Variants in SDCCAG8 observed in about 807,000 individuals in gnomAD.
The protein encoded by SDCCAG8 is serologically defined colon cancer antigen 8.
A neutral mutation model predicts 101.8 loss-of-function variants in SDCCAG8; 74 were observed. That is an observed-to-expected ratio of 0.73 (90% CI 0.60 to 0.88). SDCCAG8 has a LOEUF of 0.88. Among genes scored for constraint, SDCCAG8 ranks in the 40% least tolerant of loss-of-function variants. The probability of loss-of-function intolerance (pLI) is 0.00; values close to 1 mark genes in which losing one functional copy is unlikely to be tolerated. For synonymous variants in SDCCAG8, 281 were observed against 292.9 expected (o/e 0.96, Z 0.41); for missense variants, 787 against 822.6 (o/e 0.96, Z 0.53).
intron 1 of SDCCAG8, among the ~76,000 whole-genome samples, chr1:243,257,016 G>C (rs1473129424): frequency 6.6e-6 from 1 of 152,170 alleles, no homozygotes; most frequent in Non-Finnish European, 1.5e-5. Flanking sequence ...AGATGGCGCT[G>C]TCAACTTGGA....
At chr1:243,433,356 G>GA (rs914707825) in intron 16 of SDCCAG8, among the ~76,000 whole-genome samples, 5,780 of 64,962 alleles carry the variant, frequency 0.089, 159 homozygotes, top group South Asian at 0.22. Flanking sequence ...CGTCTCAAAA[G>GA]AAAAAAAAAA....
intron 17 of SDCCAG8, among the ~76,000 whole-genome samples, chr1:243,497,517 T>G (rs1002120815): frequency 6.6e-5 from 10 of 152,088 alleles, no homozygotes; most frequent in Non-Finnish European, 1.5e-4. Flanking sequence ...CGTACATCTG[T>G]GTCACCCCCA....
chr1:243,345,209 T>C (rs902240056), intron 12 of SDCCAG8, among the ~76,000 whole-genome samples: 6 of 152,182 alleles, frequency 3.9e-5, no homozygotes, highest in Non-Finnish European at 8.8e-5. Context: ...TTTTCTCTTT[T>C]GAGCCAATGA....
At chr1:243,403,931 G>A (rs2079577204) in intron 13 of SDCCAG8, among the ~76,000 whole-genome samples, 1 of 152,150 alleles carries the variant, frequency 6.6e-6, no homozygotes, top group Non-Finnish European at 1.5e-5. Flanking sequence ...CCTGGTCCGT[G>A]GAAAAATTGT....
At chr1:243,368,082 G>T (rs1341138119) in intron 12 of SDCCAG8, among the ~76,000 whole-genome samples, 1 of 151,912 alleles carries the variant, frequency 6.6e-6, no homozygotes, top group African/African-American at 2.4e-5. Flanking sequence ...CTGGCATGGT[G>T]ACACAGACGT....
In SDCCAG8 at chr1:243,426,553, G is replaced by A. The variant is rs1404435698; in HGVS notation, c.1980G>A (p.Lys660=). The A allele has an allele frequency of 1.2e-6, 2 of 1,613,944 alleles. No homozygotes were observed. The highest frequency in any genetic ancestry group is 3.3e-5 in the Admixed American group (2 of 60,026). Residue 660 remains lysine (K), a synonymous_variant, in exon 16 of 18, where the codon AAG becomes AAA. Coordinates refer to ENST00000366541, the MANE Select transcript of SDCCAG8 (RefSeq NM_006642.5). ...ATGGGAGAGTACATGAGACGATGAA[G>A]CAAAGGTAATCAAGGTTTCATGTCA... ...VQHGRVHETM[K]QRLRQLDKHS...
intron 15 of SDCCAG8, 50 bp downstream of exon 15, chr1:243,418,126 C>T (rs370515624): frequency 2.9e-5 from 37 of 1,269,154 alleles, no homozygotes; most frequent in Non-Finnish European, 4.1e-5. Flanking sequence ...TGTGATTACT[C>T]TAATTTTTCC....
At chr1:243,304,968 T>A in intron 7 of SDCCAG8, 191 bp downstream of exon 7, 1 of 579,508 alleles carries the variant, frequency 1.7e-6, no homozygotes, top group Non-Finnish European at 3.1e-6. Flanking sequence ...CAAATCACGT[T>A]CCCATTTCTT....
At chr1:243,303,870 C>T (rs1179116496) in intron 6 of SDCCAG8, among the ~76,000 whole-genome samples, 8 of 151,976 alleles carry the variant, frequency 5.3e-5, no homozygotes, top group African/African-American at 9.7e-5. Flanking sequence ...TCCAGGGGTT[C>T]GAGACCAGCC....
At chr1:243,359,637 A>C (rs532272429) in intron 12 of SDCCAG8, among the ~76,000 whole-genome samples, 1 of 152,308 alleles carries the variant, frequency 6.6e-6, no homozygotes, top group Non-Finnish European at 1.5e-5. Context: ...CTGAAATGAC[A>C]TGCCAGAAGT....
At chr1:243,315,088 A>ATAGT (rs1462392779) in intron 8 of SDCCAG8, among the ~76,000 whole-genome samples, 4 of 152,204 alleles carry the variant, frequency 2.6e-5, no homozygotes, top group African/African-American at 9.7e-5. Context: ...ATCTCATTGA[A>ATAGT]TAGTTACTTT....
chr1:243,263,221 T>G (rs1265705126), intron 1 of SDCCAG8, among the ~76,000 whole-genome samples: 4 of 152,204 alleles, frequency 2.6e-5, no homozygotes, highest in Non-Finnish European at 2.9e-5. Flanking sequence ...CTTGTTTTAT[T>G]GATTTTTTTT....
At chr1:243,409,270 A>G (rs1573881048) in intron 13 of SDCCAG8, among the ~76,000 whole-genome samples, 1 of 152,162 alleles carries the variant, frequency 6.6e-6, no homozygotes, top group African/African-American at 2.4e-5. Context: ...GTTTCTTACT[A>G]TTGAGGAAAA....
At chr1:243,321,147 CA>C (rs1203045480) in intron 9 of SDCCAG8, among the ~76,000 whole-genome samples, 1 of 151,938 alleles carries the variant, frequency 6.6e-6, no homozygotes, top group East Asian at 1.9e-4. Context: ...TGTCTCCATA[CA>C]TTGCCAAATG....
chr1:243,279,630 G>A (rs1005494851), intron 4 of SDCCAG8, among the ~76,000 whole-genome samples: 4 of 152,186 alleles, frequency 2.6e-5, no homozygotes, highest in African/African-American at 9.7e-5. Flanking sequence ...GCCGCATTTT[G>A]TCAAAAGCTT....
chr1:243,424,320 A>G (rs895905190), intron 15 of SDCCAG8, among the ~76,000 whole-genome samples: 4 of 152,036 alleles, frequency 2.6e-5, no homozygotes, highest in African/African-American at 9.7e-5. Flanking sequence ...CCCACCAGTG[A>G]CATCTACATT....
chr1:243,273,918 T>A (rs1019670130), intron 3 of SDCCAG8, among the ~76,000 whole-genome samples: 1 of 152,238 alleles, frequency 6.6e-6, no homozygotes, highest in Non-Finnish European at 1.5e-5. Flanking sequence ...TTAAAAAAAA[T>A]GATATTCACA....
chr1:243,485,872 A>G (rs963046208), intron 16 of SDCCAG8, among the ~76,000 whole-genome samples: 5 of 150,474 alleles, frequency 3.3e-5, no homozygotes, highest in Admixed American at 6.6e-5. Context: ...AGCCTGGGCA[A>G]CAAAGCAAGA....
intron 13 of SDCCAG8, among the ~76,000 whole-genome samples, chr1:243,397,476 A>C (rs868005984): frequency 6.6e-6 from 1 of 152,246 alleles, no homozygotes; most frequent in South Asian, 2.1e-4. Flanking sequence ...AAAAAATTTA[A>C]AGTGAAGGTT....
Sources: gnomAD v4.1 joint callset for allele counts (sites outside exome capture counted in the v4.1 genomes callset) on GRCh38, gnomAD v4.1.1 for gene constraint, MANE v1.5 for transcripts, NCBI Gene and HGNC (gene_info 2026-07-23, HGNC 2026-07-21) for gene names.